Variants in CUL3 observed in about 807,000 individuals in gnomAD.
CUL3 encodes the protein cullin-3.
CUL3 carries 19 observed loss-of-function variants against 89.1 expected under a neutral mutation model. That is an observed-to-expected ratio of 0.21 (90% CI 0.15 to 0.31). CUL3 has a LOEUF of 0.31. Ranked by LOEUF, CUL3 falls within the 10% of genes least tolerant of loss-of-function variation. CUL3 has a pLI of 1.00. For missense variants in CUL3, 469 were observed against 942.3 expected (o/e 0.50, Z 6.58); for synonymous variants, 351 against 308.4 (o/e 1.14, Z -1.45).
intron 1 of CUL3, among the ~76,000 whole-genome samples, chr2:224,577,677 A>G (rs934366131): frequency 2.0e-5 from 3 of 152,170 alleles, no homozygotes; most frequent in African/African-American, 7.2e-5. Flanking sequence ...TCACATCCCT[A>G]TATTCATATG....
intron 3 of CUL3, among the ~76,000 whole-genome samples, chr2:224,522,970 T>C (rs980762211): frequency 2.0e-5 from 3 of 152,234 alleles, no homozygotes; most frequent in African/African-American, 7.2e-5. Flanking sequence ...TCTAAAGTTG[T>C]GTAAACTGCA....
At chr2:224,513,451 T>C in intron 5 of CUL3, 73 bp downstream of exon 5, 1 of 1,083,342 alleles carries the variant, frequency 9.2e-7, no homozygotes, top group Non-Finnish European at 1.3e-6. Context: ...GTCAAAATAG[T>C]TAAATTAGTA....
chr2:224,575,120 C>T (rs1401501531), intron 1 of CUL3, among the ~76,000 whole-genome samples: 2 of 152,174 alleles, frequency 1.3e-5, no homozygotes, highest in Admixed American at 6.5e-5. Flanking sequence ...GGGAAGAATG[C>T]TGAATGAACT....
At position 224,585,090 on chromosome 2, in the gene CUL3, AGGGGCGACGCTG is replaced by A; in HGVS notation, c.-93_-82del. 1 of 1,193,298 alleles carries A rather than the reference AGGGGCGACGCTG, an allele frequency of 8.4e-7. No homozygotes were observed. Among genetic ancestry groups the A allele is most frequent in the African/African-American group, 1.6e-5 (1 of 61,300 alleles). The allele number at this position is 1,193,298 out of a possible 1,614,324, so 73.9% of individuals were successfully genotyped here. On this transcript the variant is annotated 5_prime_UTR_variant, in exon 1 of 16. Coordinates refer to ENST00000264414, the MANE Select transcript of CUL3 (RefSeq NM_003590.5). ...CACATTTAAGGCGGGCAGGCAGGCT[AGGGGCGACGCTG>A]GGGGCGGCGGCGGCGCGACCCCCGG... is the stretch of plus-strand genomic sequence containing the variant.
Position 224,472,995 on chromosome 2 carries a change from T to G in CUL3, c.*1250A>C, listed in dbSNP as rs546312224. On this transcript the variant is annotated 3_prime_UTR_variant, in exon 16 of 16. Coordinates refer to ENST00000264414, the MANE Select transcript of CUL3 (RefSeq NM_003590.5). ...TTATGAAAACAAAATGAAACAAAAT[T>G]AAATAAAATTGAAGATAAAAATACT... 6.4e-5 allele frequency: 13 copies of G among 201,652 alleles called. No homozygotes were observed. The East Asian group carries it at 1.0e-3, about 16-fold the overall frequency. 12.5% of individuals were successfully genotyped at this position (201,652 alleles called of 1,614,324 possible). A position where few individuals can be genotyped will look rare whatever the true frequency, so the allele number is the denominator to read the frequency against.
intron 1 of CUL3, among the ~76,000 whole-genome samples, chr2:224,581,835 T>C (rs1016218392): frequency 3.9e-5 from 6 of 152,076 alleles, no homozygotes; most frequent in African/African-American, 9.7e-5. Context: ...TTGACACTTT[T>C]GGTGAAACTA....
At chr2:224,557,879 GAGAC>G in intron 1 of CUL3, 23 bp from the exon 2 acceptor site, 1 of 75,158 alleles carries the variant, frequency 1.3e-5, no homozygotes, top group Non-Finnish European at 2.2e-5. Flanking sequence ...AGAGAGAGAA[GAGAC>G]AAAAAAAAAA....
intron 2 of CUL3, among the ~76,000 whole-genome samples, chr2:224,551,043 G>A (rs1694494635): frequency 6.6e-6 from 1 of 151,612 alleles, no homozygotes; most frequent in South Asian, 2.1e-4. Flanking sequence ...AATGTCTTTA[G>A]GAAGTGGCAA....
intron 1 of CUL3, among the ~76,000 whole-genome samples, chr2:224,559,776 A>G (rs1694845497): frequency 6.6e-6 from 1 of 152,102 alleles, no homozygotes; most frequent in East Asian, 1.9e-4. Context: ...AGAGCTGATC[A>G]CTCCTACTCC....
chr2:224,575,616 T>C (rs1695281607), intron 1 of CUL3, among the ~76,000 whole-genome samples: 1 of 152,236 alleles, frequency 6.6e-6, no homozygotes, highest in Non-Finnish European at 1.5e-5. Flanking sequence ...TAATGCTTAT[T>C]ATGTGCCAAG....
At chr2:224,534,608 T>A (rs1268260933) in intron 3 of CUL3, among the ~76,000 whole-genome samples, 1 of 152,168 alleles carries the variant, frequency 6.6e-6, no homozygotes, top group East Asian at 1.9e-4. Flanking sequence ...AAAGGACAAG[T>A]GCTAAATACT....
chr2:224,546,843 C>T (rs1426893604), intron 2 of CUL3, among the ~76,000 whole-genome samples: 1 of 152,126 alleles, frequency 6.6e-6, no homozygotes, highest in Non-Finnish European at 1.5e-5. Context: ...TCCTTCATAT[C>T]CCACGGTTGC....
intron 2 of CUL3, among the ~76,000 whole-genome samples, chr2:224,549,327 TAAA>T (rs60131758): frequency 7.7e-6 from 1 of 129,044 alleles, no homozygotes; most frequent in African/African-American, 2.8e-5. Flanking sequence ...GAAAATAAAT[TAAA>T]AAAAAAAAAA....
At chr2:224,537,790 A>G (rs1233390518) in intron 2 of CUL3, among the ~76,000 whole-genome samples, 1 of 152,204 alleles carries the variant, frequency 6.6e-6, no homozygotes, top group African/African-American at 2.4e-5. Flanking sequence ...TTATAAAATT[A>G]AGTTAAATGT....
chr2:224,577,290 C>T (rs1265503313), intron 1 of CUL3, among the ~76,000 whole-genome samples: 2 of 152,084 alleles, frequency 1.3e-5, no homozygotes, highest in African/African-American at 2.4e-5. Context: ...AGCTAGAGGC[C>T]GGGCGCGGTG....
At chr2:224,512,039 G>T (rs1488337363) in intron 5 of CUL3, among the ~76,000 whole-genome samples, 1 of 152,118 alleles carries the variant, frequency 6.6e-6, no homozygotes, top group African/African-American at 2.4e-5. Flanking sequence ...CAGTCTCAAA[G>T]AGTAAACATG....
chr2:224,494,894 T>G (rs183751204), intron 13 of CUL3: 1 of 152,240 alleles, frequency 6.6e-6, no homozygotes, highest in African/African-American at 2.4e-5. Flanking sequence ...AACTGGACTT[T>G]TTCAGTATTT....
At chr2:224,528,724 G>A (rs1241932436) in intron 3 of CUL3, among the ~76,000 whole-genome samples, 1 of 151,998 alleles carries the variant, frequency 6.6e-6, no homozygotes, top group African/African-American at 2.4e-5. Context: ...CATCCTTGAT[G>A]ACTTTCCAAA....
chr2:224,498,602 A>T (rs1692259742), intron 11 of CUL3, among the ~76,000 whole-genome samples: 1 of 152,192 alleles, frequency 6.6e-6, no homozygotes, highest in South Asian at 2.1e-4. Flanking sequence ...CAGGCAAATA[A>T]AACTAGTTGG....
Sources: gnomAD v4.1 joint callset for allele counts (sites outside exome capture counted in the v4.1 genomes callset) on GRCh38, gnomAD v4.1.1 for gene constraint, MANE v1.5 for transcripts, NCBI Gene and HGNC (gene_info 2026-07-23, HGNC 2026-07-21) for gene names.